ASIC2: variants seen among roughly 807,000 people sequenced by gnomAD.
The protein encoded by ASIC2 is acid-sensing ion channel 2.
ASIC2 carries 25 observed loss-of-function variants against 57.3 expected under a neutral mutation model. That is an observed-to-expected ratio of 0.44 (90% CI 0.32 to 0.61). The LOEUF (loss-of-function observed/expected upper bound fraction) is 0.61, where lower values mean the gene tolerates loss of function less well. Ranked by LOEUF, ASIC2 falls within the 20% of genes least tolerant of loss-of-function variation. ASIC2 has a pLI of 0.06. For synonymous variants in ASIC2, 319 were observed against 307.5 expected, an observed-to-expected ratio of 1.04 and a Z score of -0.39; for missense variants, 641 against 738.1, an observed-to-expected ratio of 0.87 and a Z score of 1.52.
chr17:33,186,686 G>A (rs1216423523), intron 1 of ASIC2, among the ~76,000 whole-genome samples: 5 of 152,086 alleles, frequency 3.3e-5, no homozygotes, highest in Non-Finnish European at 5.9e-5. Context: ...AAGATGAGGG[G>A]CATAGTGGCT....
intron 1 of ASIC2, among the ~76,000 whole-genome samples, chr17:33,456,507 T>C (rs893714639): frequency 2.0e-5 from 3 of 152,230 alleles, no homozygotes; most frequent in African/African-American, 7.2e-5. Flanking sequence ...CACCAGCTAC[T>C]GGGTAGTGAC....
chr17:33,341,232 T>A (rs1489944731), intron 1 of ASIC2, among the ~76,000 whole-genome samples: 7 of 152,174 alleles, frequency 4.6e-5, no homozygotes, highest in Non-Finnish European at 1.0e-4. Context: ...CGGTCAAGGC[T>A]GAGGGACCTG....
intron 1 of ASIC2, among the ~76,000 whole-genome samples, chr17:33,248,629 G>A (rs1423574064): frequency 1.3e-5 from 2 of 152,168 alleles, no homozygotes; most frequent in East Asian, 3.9e-4. Context: ...CACACCCTCT[G>A]GAGGCTCCAA....
At chr17:33,876,000 C>T (rs1009959481) in intron 1 of ASIC2, among the ~76,000 whole-genome samples, 1 of 152,012 alleles carries the variant, frequency 6.6e-6, no homozygotes, top group Non-Finnish European at 1.5e-5. Context: ...AACTTCATAT[C>T]AAACATATTT....
At chr17:33,431,031 G>A (rs9896276) in intron 1 of ASIC2, among the ~76,000 whole-genome samples, 52,692 of 151,686 alleles carry the variant, frequency 0.35, 9,163 homozygotes, top group Middle Eastern at 0.44. Context: ...ATGCAGAGGG[G>A]GGCAGCAAGG....
At chr17:33,616,985 A>G (rs12185231) in intron 1 of ASIC2, among the ~76,000 whole-genome samples, 65,204 of 151,892 alleles carry the variant, frequency 0.43, 14,310 homozygotes, top group African/African-American at 0.51. Context: ...GGCCCTTTCA[A>G]GGGTTGTGTA....
At chr17:33,841,191 G>T (rs893205497) in intron 1 of ASIC2, among the ~76,000 whole-genome samples, 1 of 152,218 alleles carries the variant, frequency 6.6e-6, no homozygotes, top group Non-Finnish European at 1.5e-5. Flanking sequence ...TGGGCAAGTT[G>T]TTGAAGATAA....
chr17:33,461,576 C>T (rs895768659), intron 1 of ASIC2, among the ~76,000 whole-genome samples: 2 of 152,118 alleles, frequency 1.3e-5, no homozygotes, highest in Admixed American at 1.3e-4. Flanking sequence ...TGAAAAAGGG[C>T]GCATAATGAC....
At chr17:33,112,176 CCCAT>C in intron 1 of ASIC2, 109 bp from the exon 2 acceptor site, 1 of 1,297,602 alleles carries the variant, frequency 7.7e-7, no homozygotes, top group East Asian at 2.7e-5. Context: ...GTCCCCACAG[CCCAT>C]CACCATCACC....
rs902396177 is a variant in ASIC2, at chr17:34,112,831, A to G, written c.555+43147T>C. On this transcript the variant is annotated intron_variant, in intron 1 of 9. Coordinates refer to the ASIC2 transcript ENST00000359872. ...TTTCTCTAGCTTCAATATTGCTAAG[A>G]GTACAGGACACACTCAATAGGATGA... Among the ~76,000 whole-genome samples the G allele has an allele frequency of 2.0e-5, 3 of 152,162 alleles. No individual in the cohort carries two copies. The South Asian group carries it at 6.2e-4, about 32-fold the overall frequency.
chr17:33,381,367 G>A (rs1240814719), intron 1 of ASIC2, among the ~76,000 whole-genome samples: 3 of 152,218 alleles, frequency 2.0e-5, no homozygotes, highest in Admixed American at 6.5e-5. Context: ...TTGCTCAGGC[G>A]CTGCCGCCTC....
At chr17:33,534,922 C>T (rs562658386) in intron 1 of ASIC2, among the ~76,000 whole-genome samples, 4 of 152,342 alleles carry the variant, frequency 2.6e-5, no homozygotes, top group African/African-American at 9.6e-5. Flanking sequence ...AATAATACTC[C>T]TGGTTCAAAT....
chr17:33,695,911 T>C (rs1908511685), intron 1 of ASIC2, among the ~76,000 whole-genome samples: 2 of 152,248 alleles, frequency 1.3e-5, no homozygotes, highest in African/African-American at 4.8e-5. Flanking sequence ...GAAATTTTCA[T>C]TTAAATGTTA....
chr17:33,511,144 T>A (rs1914420933), intron 1 of ASIC2, among the ~76,000 whole-genome samples: 1 of 119,222 alleles, frequency 8.4e-6, no homozygotes, highest in African/African-American at 3.2e-5. Context: ...CCTCCAGCTG[T>A]ATGGCTGTAA....
intron 1 of ASIC2, among the ~76,000 whole-genome samples, chr17:33,391,062 G>A (rs1909871389): frequency 6.6e-6 from 1 of 152,182 alleles, no homozygotes; most frequent in Non-Finnish European, 1.5e-5. Context: ...TCTCTAACAA[G>A]TCTTCCTTAA....
At chr17:33,913,367 A>G (rs1431529307) in intron 1 of ASIC2, among the ~76,000 whole-genome samples, 1 of 152,088 alleles carries the variant, frequency 6.6e-6, no homozygotes, top group African/African-American at 2.4e-5. Context: ...TGTCTATCCC[A>G]TGGCAATCCC....
At chr17:33,828,912 T>A (rs1913024259) in intron 1 of ASIC2, among the ~76,000 whole-genome samples, 1 of 152,166 alleles carries the variant, frequency 6.6e-6, no homozygotes, top group African/African-American at 2.4e-5. Context: ...ACCTAGTTCT[T>A]AGGGTCGTGT....
chr17:33,754,007 C>A (rs1004171860), intron 1 of ASIC2, among the ~76,000 whole-genome samples: 2 of 152,150 alleles, frequency 1.3e-5, no homozygotes, highest in African/African-American at 4.8e-5. Flanking sequence ...ATACTTTCTG[C>A]TCCATGTTTC....
At chr17:33,185,971 G>A (rs1373163030) in intron 1 of ASIC2, among the ~76,000 whole-genome samples, 1 of 152,212 alleles carries the variant, frequency 6.6e-6, no homozygotes, top group East Asian at 1.9e-4. Flanking sequence ...TGAAGCAGAG[G>A]TCAGCAAACA....
Sources: allele counts gnomAD v4.1 joint callset (sites outside exome capture counted in the v4.1 genomes callset), GRCh38; gene constraint gnomAD v4.1.1; transcripts MANE v1.5; gene names NCBI Gene and HGNC (gene_info 2026-07-23, HGNC 2026-07-21).